NRXN3: variants seen among roughly 807,000 people sequenced by gnomAD.
NRXN3 encodes neurexin III.
In NRXN3, 32 loss-of-function variants were observed where a neutral mutation model predicts 137.6. The ratio of observed to expected loss-of-function variants is 0.23; its 90% confidence interval spans 0.18 to 0.31. NRXN3 has a LOEUF of 0.31. Among genes scored for constraint, NRXN3 ranks in the 10% least tolerant of loss-of-function variants. NRXN3 has a pLI of 1.00. For missense variants in NRXN3, 1,574 were observed against 2,062.5 expected (o/e 0.76, Z 4.59); for synonymous variants, 798 against 784.5 (o/e 1.02, Z -0.29).
intron 15 of NRXN3, among the ~76,000 whole-genome samples, chr14:79,131,625 C>G (rs981988539): frequency 6.6e-6 from 1 of 152,218 alleles, no homozygotes; most frequent in African/African-American, 2.4e-5. Flanking sequence ...TTACTGCTGT[C>G]TTTTTGTTTG....
At chr14:79,451,305 G>A (rs1028142586) in intron 15 of NRXN3, among the ~76,000 whole-genome samples, 8 of 152,088 alleles carry the variant, frequency 5.3e-5, no homozygotes, top group Non-Finnish European at 8.8e-5. Flanking sequence ...TAGTGGCATC[G>A]CTGACTGAAA....
At chr14:79,153,801 A>G (rs1367180146) in intron 15 of NRXN3, among the ~76,000 whole-genome samples, 1 of 151,988 alleles carries the variant, frequency 6.6e-6, no homozygotes, top group Non-Finnish European at 1.5e-5. Context: ...AAATTTATCC[A>G]GTATTTGAAA....
chr14:78,647,804 T>C (rs1018846629), intron 5 of NRXN3, among the ~76,000 whole-genome samples: 13 of 152,258 alleles, frequency 8.5e-5, no homozygotes, highest in Non-Finnish European at 1.2e-4. Context: ...ATTTTGTCCA[T>C]TAAAATAATA....
In NRXN3 at chr14:79,607,672, A is replaced by AG. The variant is rs1567646609; in HGVS notation, c.3445-56106_3445-56105insG. On this transcript the variant is annotated intron_variant, in intron 16 of 20. Transcript: ENST00000335750. ...GCCACATATTTAAATGTTAATCTAC[A>AG]ATTTTTTTTTTTTTTTTTGAGACAG... is the stretch of plus-strand genomic sequence containing the variant. 8.1e-5 allele frequency among the ~76,000 whole-genome samples: 10 copies of AG among 122,916 alleles called. No homozygotes were observed. The South Asian group carries it at 1.4e-3, about 18-fold the overall frequency. 80.6% of individuals were successfully genotyped at this position (122,916 alleles called of 152,430 possible).
At chr14:78,577,356 G>T (rs1173907271) in intron 4 of NRXN3, among the ~76,000 whole-genome samples, 3 of 152,126 alleles carry the variant, frequency 2.0e-5, no homozygotes, top group African/African-American at 7.2e-5. Context: ...AAGATGTATG[G>T]GTATTTGTGT....
intron 17 of NRXN3, among the ~76,000 whole-genome samples, chr14:79,667,284 G>A (rs953541360): frequency 3.9e-5 from 6 of 151,918 alleles, no homozygotes; most frequent in African/African-American, 1.4e-4. Flanking sequence ...CAAGGGTTTA[G>A]TCTCACTACT....
chr14:78,264,993 A>G (rs2071449529), intron 2 of NRXN3, among the ~76,000 whole-genome samples: 1 of 152,246 alleles, frequency 6.6e-6, no homozygotes, highest in African/African-American at 2.4e-5. Flanking sequence ...GTCTGGGCTT[A>G]GAGATAAATC....
chr14:78,318,619 A>G (rs2078975891), intron 4 of NRXN3, among the ~76,000 whole-genome samples: 1 of 152,160 alleles, frequency 6.6e-6, no homozygotes, highest in Non-Finnish European at 1.5e-5. Flanking sequence ...AGGCAGCAAC[A>G]TCCCCCCCGA....
At chr14:79,464,657 T>C (rs2096398470) in intron 15 of NRXN3, among the ~76,000 whole-genome samples, 1 of 152,124 alleles carries the variant, frequency 6.6e-6, no homozygotes, top group Non-Finnish European at 1.5e-5. Context: ...GATAAAAAGA[T>C]GTGAAAAGAA....
chr14:79,564,592 G>C (rs1170954551), intron 16 of NRXN3, among the ~76,000 whole-genome samples: 1 of 152,132 alleles, frequency 6.6e-6, no homozygotes, highest in Non-Finnish European at 1.5e-5. Flanking sequence ...TACTCACAAA[G>C]ACAAATTGTG....
At chr14:78,359,151 A>G (rs2084750367) in intron 4 of NRXN3, among the ~76,000 whole-genome samples, 1 of 152,122 alleles carries the variant, frequency 6.6e-6, no homozygotes, top group Admixed American at 6.5e-5. Flanking sequence ...AAAGAAAATG[A>G]TTTTCAAAGC....
intron 15 of NRXN3, among the ~76,000 whole-genome samples, chr14:79,461,480 C>T (rs1253395248): frequency 6.6e-6 from 1 of 152,148 alleles, no homozygotes; most frequent in Non-Finnish European, 1.5e-5. Flanking sequence ...ACTCCTAAAA[C>T]AGCCAGAGAG....
At chr14:78,276,544 A>G (rs1023075928) in intron 2 of NRXN3, among the ~76,000 whole-genome samples, 1 of 152,210 alleles carries the variant, frequency 6.6e-6, no homozygotes, top group Non-Finnish European at 1.5e-5. Context: ...ATCTCATTTA[A>G]TTCTCATAAC....
At chr14:78,778,778 T>A (rs999326717) in intron 8 of NRXN3, among the ~76,000 whole-genome samples, 13 of 119,652 alleles carry the variant, frequency 1.1e-4, no homozygotes, top group African/African-American at 4.5e-4. Context: ...CTTTCTTTCT[T>A]TCTTTCTTTC....
intron 10 of NRXN3, among the ~76,000 whole-genome samples, chr14:78,918,358 G>A (rs1168494907): frequency 6.7e-6 from 1 of 148,524 alleles, no homozygotes; most frequent in Admixed American, 6.7e-5. Context: ...GCTAGGAAAA[G>A]CTAAATTCTG....
intron 10 of NRXN3, among the ~76,000 whole-genome samples, chr14:78,955,435 A>G (rs1348236860): frequency 6.6e-6 from 1 of 152,214 alleles, no homozygotes; most frequent in African/African-American, 2.4e-5. Context: ...CATACATTTT[A>G]TGTAATATTG....
At chr14:78,762,123 G>A (rs1413130307) in intron 8 of NRXN3, among the ~76,000 whole-genome samples, 1 of 152,042 alleles carries the variant, frequency 6.6e-6, no homozygotes, top group Non-Finnish European at 1.5e-5. Context: ...CTATTGATTA[G>A]CAGTGATTCA....
At chr14:78,178,927 T>G (rs187433737) in intron 1 of NRXN3, among the ~76,000 whole-genome samples, 4 of 152,166 alleles carry the variant, frequency 2.6e-5, no homozygotes, top group Admixed American at 2.6e-4. Context: ...TCCAATCAGC[T>G]CCTGAGGTCT....
At chr14:79,254,790 C>T (rs1054688758) in intron 15 of NRXN3, among the ~76,000 whole-genome samples, 7 of 152,022 alleles carry the variant, frequency 4.6e-5, no homozygotes, top group African/African-American at 1.2e-4. Flanking sequence ...AATTTCTTCC[C>T]TCCCTGCCTG....
Sources: allele counts gnomAD v4.1 joint callset (sites outside exome capture counted in the v4.1 genomes callset), GRCh38; gene constraint gnomAD v4.1.1; transcripts MANE v1.5; gene names NCBI Gene and HGNC (gene_info 2026-07-23, HGNC 2026-07-21).